Variants in OVCH1 observed in about 807,000 individuals in gnomAD.
OVCH1 encodes ovochymase 1, also known as ovochymase-1.
In OVCH1, 139 loss-of-function variants were observed where a neutral mutation model predicts 138.4. The observed-to-expected ratio is 1.00, with a 90% confidence interval of 0.87 to 1.16. The LOEUF is 1.16. OVCH1 is among the 50% of genes most tolerant of loss of function. The probability of loss-of-function intolerance (pLI) is 0.00; values close to 1 mark genes in which losing one functional copy is unlikely to be tolerated. For synonymous variants in OVCH1, 453 were observed against 467.8 expected (o/e 0.97, Z 0.41); for missense variants, 1,367 against 1,357.9 (o/e 1.01, Z -0.11).
At chr12:29,431,833 A>G (rs1941275082) in intron 27 of OVCH1, among the ~76,000 whole-genome samples, 1 of 152,224 alleles carries the variant, frequency 6.6e-6, no homozygotes, top group Non-Finnish European at 1.5e-5. Flanking sequence ...AATATATGTA[A>G]TAAGAGTCTC....
intron 22 of OVCH1, among the ~76,000 whole-genome samples, chr12:29,448,992 C>G (rs1361822981): frequency 1.3e-5 from 2 of 152,118 alleles, no homozygotes; most frequent in Non-Finnish European, 2.9e-5. Flanking sequence ...TTCATTACAC[C>G]TGTGCAAACA....
chr12:29,478,740 A>G, intron 9 of OVCH1, 95 bp downstream of exon 10: 1 of 786,370 alleles, frequency 1.3e-6, no homozygotes, highest in Non-Finnish European at 1.8e-6. Context: ...CTCCATAGGC[A>G]GAGCAGCCAG....
intron 21 of OVCH1, among the ~76,000 whole-genome samples, chr12:29,452,291 TG>T (rs1383657298): frequency 6.6e-6 from 1 of 152,216 alleles, no homozygotes; most frequent in Admixed American, 6.6e-5. Flanking sequence ...AAATTAATAC[TG>T]TACCTGAGGA....
the OVCH1 span, among the ~76,000 whole-genome samples, chr12:29,403,024 A>G: frequency 6.6e-6 from 1 of 152,220 alleles, no homozygotes; most frequent in Non-Finnish European, 1.5e-5. Flanking sequence ...CCTTAAATAC[A>G]GACAGAAATA....
chr12:29,455,723 CTG>C (rs1476296899), intron 19 of OVCH1, among the ~76,000 whole-genome samples: 2 of 152,154 alleles, frequency 1.3e-5, no homozygotes, highest in African/African-American at 4.8e-5. Flanking sequence ...ATTAGTAAAA[CTG>C]TAATATTTAA....
At chr12:29,438,318 T>C (rs936661520) in intron 26 of OVCH1, among the ~76,000 whole-genome samples, 10 of 152,164 alleles carry the variant, frequency 6.6e-5, no homozygotes, top group African/African-American at 2.4e-4. Context: ...CTGATAGTTT[T>C]AATTACCATG....
the OVCH1 span, among the ~76,000 whole-genome samples, chr12:29,406,364 GTTAA>G: frequency 4.6e-5 from 7 of 151,824 alleles, no homozygotes; most frequent in Admixed American, 2.0e-4. Context: ...CAATGTGCAG[GTTAA>G]TTACATACGT....
At chr12:29,422,876 A>T (rs1031172095), downstream of OVCH1, among the ~76,000 whole-genome samples, 1 of 152,182 alleles carries the variant, frequency 6.6e-6, no homozygotes, top group African/African-American at 2.4e-5. Context: ...TTAAATAGCA[A>T]ATGACTGACT....
At chr12:29,468,441 G>T (rs1436845588) in intron 16 of OVCH1, among the ~76,000 whole-genome samples, 1 of 152,156 alleles carries the variant, frequency 6.6e-6, no homozygotes, top group East Asian at 1.9e-4. Context: ...ATCTTGGGAA[G>T]AATAGGTTTG....
exon 21 of OVCH1, chr12:29,454,856 T>G (rs1404251041): frequency 1.2e-6 from 2 of 1,610,242 alleles, no homozygotes; most frequent in East Asian, 2.2e-5. Flanking sequence ...CAAGATGCAC[T>G]GTCTGGTGAA....
intron 19 of OVCH1, chr12:29,461,644 T>C (rs952021350): frequency 2.2e-5 from 14 of 648,356 alleles, no homozygotes; most frequent in Non-Finnish European, 3.8e-5. Context: ...CCTTTGTCGC[T>C]GTACAGCTGC....
rs1458873816 is a variant in OVCH1 at position 29,433,814 on chromosome 12, C to G, written c.3265-1G>C. 7.2e-7 allele frequency: 1 copy of G among 1,391,280 alleles called. No individual in the cohort carries two copies. Among genetic ancestry groups the G allele is most frequent in the East Asian group, 2.8e-5 (1 of 35,834 alleles). 86.2% of individuals were successfully genotyped at this position (1,391,280 alleles called of 1,614,324 possible). A position where few individuals can be genotyped will look rare whatever the true frequency, so the allele number is the denominator to read the frequency against. Reference sequence around the variant, plus strand: ...TTCCAACACTTCTTACATTATCATACTAAAATTAAGTAAAATGTTTTTAAT... The same window carrying G: ...TTCCAACACTTCTTACATTATCATAGTAAAATTAAGTAAAATGTTTTTAAT... On this transcript the variant is annotated splice_acceptor_variant, in intron 26 of 27. Coordinates refer to ENST00000318184, the Ensembl canonical transcript of OVCH1. LOFTEE classifies it high-confidence loss of function.
chr12:29,481,383 T>C (rs1331164336), intron 8 of OVCH1, among the ~76,000 whole-genome samples: 1 of 152,158 alleles, frequency 6.6e-6, no homozygotes, highest in Non-Finnish European at 1.5e-5. Flanking sequence ...ATGCTAATAC[T>C]CATTGGGTTT....
chr12:29,484,450 G>A (rs1943030044), intron 8 of OVCH1, among the ~76,000 whole-genome samples: 1 of 152,106 alleles, frequency 6.6e-6, no homozygotes, highest in Non-Finnish European at 1.5e-5. Context: ...AAAAATATCA[G>A]ATAAAATAGA....
chr12:29,446,414 C>T (rs1283395100), intron 22 of OVCH1, among the ~76,000 whole-genome samples: 12 of 151,980 alleles, frequency 7.9e-5, no homozygotes, highest in Admixed American at 5.9e-4. Flanking sequence ...AAATGAATTG[C>T]TACCTTTAAC....
intron 25 of OVCH1, among the ~76,000 whole-genome samples, 74 bp downstream of exon 26, chr12:29,439,777 CAG>C (rs1941440808): frequency 6.6e-6 from 1 of 152,200 alleles, no homozygotes; most frequent in African/African-American, 2.4e-5. Context: ...AGCAATAAAT[CAG>C]AGGTTCCCAC....
At chr12:29,460,530 C>T (rs1942096520) in intron 19 of OVCH1, among the ~76,000 whole-genome samples, 1 of 152,134 alleles carries the variant, frequency 6.6e-6, no homozygotes, top group Admixed American at 6.6e-5. Context: ...CAGGAGGCAA[C>T]CCTAAAGTAT....
At chr12:29,461,686 C>T (rs922087419) in intron 19 of OVCH1, 168 bp downstream of exon 19, 10 of 876,598 alleles carry the variant, frequency 1.1e-5, no homozygotes, top group Middle Eastern at 2.2e-4. Flanking sequence ...TCAGCAAATT[C>T]GGATTAATTA....
downstream of OVCH1, among the ~76,000 whole-genome samples, chr12:29,424,564 C>T (rs1941152092): frequency 6.6e-6 from 1 of 152,132 alleles, no homozygotes; most frequent in South Asian, 2.1e-4. Context: ...TTTCCAAAGT[C>T]CTGTCAGTGA....
Sources: allele counts gnomAD v4.1 joint callset (sites outside exome capture counted in the v4.1 genomes callset), GRCh38; gene constraint gnomAD v4.1.1; transcripts MANE v1.5; gene names NCBI Gene and HGNC (gene_info 2026-07-23, HGNC 2026-07-21).